The following C11orf65 variants were observed in gnomAD, a reference collection of about 807,000 sequenced individuals.
The protein encoded by C11orf65 is chromosome 11 open reading frame 65.
C11orf65 carries 38 observed loss-of-function variants against 35.3 expected under a neutral mutation model. That is an observed-to-expected ratio of 1.08 (90% CI 0.83 to 1.41). The LOEUF (loss-of-function observed/expected upper bound fraction) is 1.41. Ranked by LOEUF, C11orf65 falls within the 40% of genes most tolerant of loss-of-function variation. The pLI is 0.00. For missense variants in C11orf65, 370 were observed against 367.1 expected, an observed-to-expected ratio of 1.01 and a Z score of -0.06; for synonymous variants, 105 against 114.4, an observed-to-expected ratio of 0.92 and a Z score of 0.53.
At chr11:108,328,961 A>T, downstream of C11orf65, 5 of 1,486,470 alleles carry the variant, frequency 3.4e-6, no homozygotes, top group Non-Finnish European at 4.6e-6. Flanking sequence ...AATTTGAGTG[A>T]TTCTTTAGAT....
intron 2 of C11orf65, among the ~76,000 whole-genome samples, chr11:108,454,267 C>T (rs894817431): frequency 3.3e-5 from 5 of 149,644 alleles, no homozygotes; most frequent in African/African-American, 1.2e-4. Context: ...TGTAATGTCT[C>T]ATCTTTCATT....
chr11:108,448,340 A>T (rs1441067221), intron 2 of C11orf65, among the ~76,000 whole-genome samples: 1 of 152,208 alleles, frequency 6.6e-6, no homozygotes. Context: ...GAAAAAGAGA[A>T]TTTTAGGCCA....
intron 6 of C11orf65, among the ~76,000 whole-genome samples, chr11:108,316,289 A>G (rs1249796699): frequency 6.6e-6 from 1 of 152,192 alleles, no homozygotes; most frequent in Non-Finnish European, 1.5e-5. Context: ...AGGGATGCAA[A>G]AAAAAGAGAA....
At position 108,373,055 on chromosome 11, in the gene C11orf65, G is replaced by A. The variant is rs116819497; in HGVS notation, c.226+20153C>T. Among the ~76,000 whole-genome samples the A allele has an allele frequency of 9.8e-3, 1,497 of 152,064 alleles. 31 individuals are homozygous for A. Among genetic ancestry groups the A allele is most frequent in the African/African-American group, 0.034 (1,410 of 41,454 alleles). On this transcript the variant is annotated intron_variant, in intron 2 of 3. Transcript: ENST00000524755. ...AGACGTGCCACTGCACTCCAGCCTC[G>A]GTGACAGAGTGAGACTGTCTCATAA...
chr11:108,418,948 A>T (rs1327847032), intron 3 of C11orf65, among the ~76,000 whole-genome samples: 1 of 152,216 alleles, frequency 6.6e-6, no homozygotes, highest in East Asian at 1.9e-4. Context: ...AAGAAGAAAT[A>T]CAAAATAGAA....
intron 2 of C11orf65, among the ~76,000 whole-genome samples, chr11:108,447,740 C>G (rs1291420483): frequency 1.3e-5 from 2 of 152,092 alleles, no homozygotes; most frequent in East Asian, 3.9e-4. Context: ...AAAGCAAGAG[C>G]AAACACATTC....
intron 2 of C11orf65, among the ~76,000 whole-genome samples, chr11:108,447,316 T>C (rs1278107512): frequency 6.6e-6 from 1 of 151,952 alleles, no homozygotes; most frequent in Admixed American, 6.5e-5. Flanking sequence ...CCACCCCAAA[T>C]CAACAGAATA....
chr11:108,368,431 C>T (rs963603073), intron 2 of C11orf65: 4 of 213,264 alleles, frequency 1.9e-5, no homozygotes, highest in Admixed American at 5.9e-5. Flanking sequence ...AGTCACTGAC[C>T]CATATTATGT....
In C11orf65 at chr11:108,343,233, C is replaced by G. The variant is rs780325546; in HGVS notation, c.227-7941G>C. The G allele has an allele frequency of 6.2e-7, 1 of 1,613,994 alleles. No homozygotes were observed. The stretch of plus-strand genomic sequence containing the variant: ...ATCTGTAACTCCAGGTGGTTCCCCT[C>G]TCTCAGCGAAGTGGTGTTCTTGAAT... On this transcript the variant is annotated intron_variant, in intron 2 of 3. Transcript: ENST00000524755.
At chr11:108,335,612 C>A (rs1452214504) in intron 2 of C11orf65, among the ~76,000 whole-genome samples, 2 of 152,156 alleles carry the variant, frequency 1.3e-5, no homozygotes, top group East Asian at 3.9e-4. Context: ...CTAGGGGGGA[C>A]TTCCAGTTAA....
chr11:108,469,871 T>C (rs1181940020), upstream of C11orf65, among the ~76,000 whole-genome samples: 2 of 152,156 alleles, frequency 1.3e-5, no homozygotes, highest in Non-Finnish European at 2.9e-5. Flanking sequence ...TCTGGGTGGT[T>C]TCACAGAAAT....
downstream of C11orf65, chr11:108,329,212 T>TAA (rs2136422828): frequency 6.2e-7 from 1 of 1,613,794 alleles, no homozygotes; most frequent in Non-Finnish European, 8.5e-7. Flanking sequence ...TAGGTCTCCT[T>TAA]AGGGAACATA....
chr11:108,396,755 A>G (rs959701484), intron 6 of C11orf65, among the ~76,000 whole-genome samples: 4 of 151,476 alleles, frequency 2.6e-5, no homozygotes, highest in East Asian at 2.0e-4. Flanking sequence ...AATGGCATGA[A>G]CCTGGGAGAC....
At chr11:108,349,924 T>C (rs1033573153) in intron 2 of C11orf65, among the ~76,000 whole-genome samples, 2 of 152,090 alleles carry the variant, frequency 1.3e-5, no homozygotes, top group African/African-American at 4.8e-5. Flanking sequence ...GAAGGAAAAG[T>C]GATGCCAATA....
rs553037321 is a variant in C11orf65 at position 108,384,375 on chromosome 11, G to T, written c.788-1200C>A. Among the ~76,000 whole-genome samples, 6 of 152,242 alleles carry T rather than the reference G, an allele frequency of 3.9e-5. No homozygotes were observed. In the East Asian group the frequency reaches 7.7e-4, roughly 20 times the overall value. Reference sequence around the variant, plus strand: ...CATTATGAGATAGGCACTATTCTAAGCTCTGTGCATGATTATCTCATTATC... The same window carrying T: ...CATTATGAGATAGGCACTATTCTAATCTCTGTGCATGATTATCTCATTATC... On this transcript the variant is annotated intron_variant, in intron 8 of 8. Transcript: ENST00000393084.
intron 6 of C11orf65, among the ~76,000 whole-genome samples, chr11:108,397,371 A>G (rs1483572529): frequency 1.3e-5 from 2 of 151,964 alleles, no homozygotes; most frequent in African/African-American, 2.4e-5. Flanking sequence ...ATTTTGCAAT[A>G]TATTTTTAGT....
At chr11:108,369,354 A>T (rs1409874634) in intron 2 of C11orf65, among the ~76,000 whole-genome samples, 1 of 150,314 alleles carries the variant, frequency 6.7e-6, no homozygotes, top group Non-Finnish European at 1.5e-5. Flanking sequence ...AAAGGCAAAT[A>T]TGAATGTTCT....
intron 1 of C11orf65, among the ~76,000 whole-genome samples, chr11:108,465,997 A>G (rs1031937891): frequency 1.0e-5 from 1 of 98,702 alleles, no homozygotes; most frequent in East Asian, 2.1e-4. Flanking sequence ...AAAAAAAAAA[A>G]CAACAACAAC....
chr11:108,463,245 G>C (rs1206298970), intron 1 of C11orf65, among the ~76,000 whole-genome samples: 1 of 127,990 alleles, frequency 7.8e-6, no homozygotes. Context: ...CTAATGTTTA[G>C]AAAGACAGAG....
Sources: gnomAD v4.1 joint callset for allele counts (sites outside exome capture counted in the v4.1 genomes callset) on GRCh38, gnomAD v4.1.1 for gene constraint, MANE v1.5 for transcripts, NCBI Gene and HGNC (gene_info 2026-07-23, HGNC 2026-07-21) for gene names.